Variants in NAA50 observed in about 807,000 individuals in gnomAD.
NAA50 encodes N-alpha-acetyltransferase 50.
NAA50 carries 7 observed loss-of-function variants against 20.7 expected under a neutral mutation model. That is an observed-to-expected ratio of 0.34 (90% CI 0.19 to 0.63). NAA50 has a LOEUF of 0.63. Ranked by LOEUF, NAA50 falls within the 30% of genes least tolerant of loss-of-function variation. The pLI is 0.75. For missense variants in NAA50, 111 were observed against 199.1 expected (o/e 0.56, Z 2.66); for synonymous variants, 54 against 70.6 (o/e 0.77, Z 1.18).
chr3:113,739,023 G>A (rs562239121), intron 1 of NAA50, among the ~76,000 whole-genome samples: 7 of 151,998 alleles, frequency 4.6e-5, no homozygotes, highest in East Asian at 3.9e-4. Flanking sequence ...AACAACTTAC[G>A]TCACAAAATG....
At chr3:113,726,626 C>A (rs1166486906) in intron 1 of NAA50, among the ~76,000 whole-genome samples, 1 of 151,768 alleles carries the variant, frequency 6.6e-6, no homozygotes, top group Non-Finnish European at 1.5e-5. Flanking sequence ...TGCCTGTAGT[C>A]ACAGCTACCC....
chr3:113,734,595 G>A (rs893686884), intron 1 of NAA50, among the ~76,000 whole-genome samples: 11 of 152,068 alleles, frequency 7.2e-5, no homozygotes, highest in African/African-American at 2.2e-4. Context: ...ATGATTCCTC[G>A]TTTATTTCTT....
At chr3:113,745,795 G>T (rs1026125848) in intron 1 of NAA50, 147 bp downstream of exon 1, 7 of 994,810 alleles carry the variant, frequency 7.0e-6, no homozygotes. Context: ...CGCCCCCTCC[G>T]GGAGCCGAGG....
At chr3:113,736,541 T>C (rs1228657094) in intron 1 of NAA50, among the ~76,000 whole-genome samples, 5 of 152,358 alleles carry the variant, frequency 3.3e-5, no homozygotes, top group Admixed American at 3.3e-4. Context: ...GCACATTAAA[T>C]TTTGGCACAG....
intron 1 of NAA50, among the ~76,000 whole-genome samples, chr3:113,739,021 A>G (rs550124617): frequency 6.6e-6 from 1 of 152,330 alleles, no homozygotes; most frequent in South Asian, 2.1e-4. Flanking sequence ...TAAACAACTT[A>G]CGTCACAAAA....
rs751514338 is a variant in NAA50, at chr3:113,724,003, T to C, written c.101A>G (p.Lys34Arg). 4 of 1,610,862 alleles carry C rather than the reference T, an allele frequency of 2.5e-6. No homozygotes were observed. Among genetic ancestry groups the C allele is most frequent in the East Asian group, 4.5e-5 (2 of 44,836 alleles). ...QVIFPVSYND[K>R]FYKDVLEVGE... ...AACCTCCAGCACATCCTTGTAGAAC[T>C]TGTCATTGTAGCTGACTGGAAAGAT... is the stretch of plus-strand genomic sequence containing the variant. The change falls in exon 2 of 5, where the codon AAG becomes AGG. Residue 34 changes from lysine to arginine, a missense_variant. Physicochemically the swap from Lys to Arg is conservative, Grantham distance 26 (BLOSUM62 2). Coordinates refer to ENST00000240922, the MANE Select transcript of NAA50 (RefSeq NM_025146.4).
intron 1 of NAA50, among the ~76,000 whole-genome samples, chr3:113,732,690 C>G (rs1708285905): frequency 6.6e-6 from 1 of 152,166 alleles, no homozygotes; most frequent in Admixed American, 6.5e-5. Flanking sequence ...CATATGAACT[C>G]AATTATATCT....
intron 1 of NAA50, among the ~76,000 whole-genome samples, chr3:113,743,234 G>A (rs1348149402): frequency 1.3e-5 from 2 of 152,168 alleles, no homozygotes; most frequent in Admixed American, 6.5e-5. Context: ...CAATATGATA[G>A]GCAACATAGG....
At chr3:113,723,932 G>A (rs772513671) in intron 2 of NAA50, 27 bp downstream of exon 2, 28 of 1,519,518 alleles carry the variant, frequency 1.8e-5, no homozygotes, top group Non-Finnish European at 2.2e-5. Context: ...GAAAAGAAGG[G>A]AGGACAAAAA....
At chr3:113,723,819 C>G in intron 2 of NAA50, 140 bp downstream of exon 2, 2 of 998,918 alleles carry the variant, frequency 2.0e-6, no homozygotes, top group Non-Finnish European at 2.8e-6. Flanking sequence ...AGATTTTTCT[C>G]ACAACCTAGA....
intron 1 of NAA50, among the ~76,000 whole-genome samples, chr3:113,730,030 T>G (rs908591042): frequency 1.3e-5 from 2 of 152,174 alleles, no homozygotes; most frequent in Non-Finnish European, 2.9e-5. Flanking sequence ...CCAGGCACAG[T>G]GGCTCACACC....
chr3:113,740,736 TTTTC>T (rs1708403805), intron 1 of NAA50: 2 of 162,730 alleles, frequency 1.2e-5, no homozygotes, highest in African/African-American at 4.9e-5. Context: ...AAGGCACATT[TTTTC>T]TTTTTTTTTT....
chr3:113,723,350 A>C (rs957087846), intron 3 of NAA50, 72 bp downstream of exon 3: 229 of 1,413,418 alleles, frequency 1.6e-4, no homozygotes, highest in Non-Finnish European at 2.1e-4. Flanking sequence ...AAATTAACTT[A>C]CTAGGTCAGA....
chr3:113,722,757 AAACT>A lies in NAA50; in HGVS notation c.332+145_332+148del, dbSNP rs530951319. 268 of 950,650 alleles carry A rather than the reference AAACT, an allele frequency of 2.8e-4. 2 individuals carry two copies. The African/African-American group carries it at 4.2e-3, about 15-fold the overall frequency. 58.9% of individuals were successfully genotyped at this position (950,650 alleles called of 1,614,324 possible). Reference sequence around the variant, plus strand: ...ATTATTAATAAAACAAAACTAAACAAAACTAACAACTACTCGAATACTTTGTAAC... The same window carrying A: ...ATTATTAATAAAACAAAACTAAACAAAACAACTACTCGAATACTTTGTAAC... On this transcript the variant is annotated intron_variant, in intron 4 of 4. Coordinates refer to ENST00000240922, the MANE Select transcript of NAA50 (RefSeq NM_025146.4).
Position 113,721,801 on chromosome 3 carries a change from G to C in NAA50, c.469C>G (p.Pro157Ala), listed in dbSNP as rs754280365. Residue 157 changes from proline (P) to alanine (A), a missense_variant, in exon 5 of 5, where the codon CCT becomes GCT. Coordinates refer to ENST00000240922, the MANE Select transcript of NAA50 (RefSeq NM_025146.4). The part of the protein sequence containing the change: ...AHVLQKNLKV[P>A]SGQNADVQKT... ...TGCACATCTGCATTCTGACCAGAAG[G>C]AACTTTGAGGTTTTTCTGCAGCACA... 1.2e-6 allele frequency: 2 copies of C among 1,613,940 alleles called. No homozygotes were observed. Among genetic ancestry groups the C allele is most frequent in the African/African-American group, 1.3e-5 (1 of 75,040 alleles).
chr3:113,724,416 G>T (rs1708176038), intron 1 of NAA50, among the ~76,000 whole-genome samples: 1 of 152,000 alleles, frequency 6.6e-6, no homozygotes, highest in Admixed American at 6.5e-5. Context: ...ACCTATTTCT[G>T]GTAAAATTAC....
intron 1 of NAA50, among the ~76,000 whole-genome samples, chr3:113,742,345 T>C (rs1708429132): frequency 1.3e-5 from 2 of 152,124 alleles, no homozygotes; most frequent in Non-Finnish European, 2.9e-5. Context: ...CTCTGCAGCC[T>C]TGAACTCCTG....
At chr3:113,725,365 A>G (rs1447736751) in intron 1 of NAA50, among the ~76,000 whole-genome samples, 4 of 152,254 alleles carry the variant, frequency 2.6e-5, no homozygotes. Flanking sequence ...TTTTGTTAAC[A>G]TATACAAAAA....
At chr3:113,724,188 T>C in intron 1 of NAA50, 93 bp from the exon 2 acceptor site, 1 of 1,281,756 alleles carries the variant, frequency 7.8e-7, no homozygotes. Context: ...TTTTACATGA[T>C]TGATAAATCC....
Sources: allele counts gnomAD v4.1 joint callset (sites outside exome capture counted in the v4.1 genomes callset), GRCh38; gene constraint gnomAD v4.1.1; transcripts MANE v1.5; gene names NCBI Gene and HGNC (gene_info 2026-07-23, HGNC 2026-07-21).